Variants in PCDHA4 observed in about 807,000 individuals in gnomAD.
The protein encoded by PCDHA4 is protocadherin alpha-4.
A neutral mutation model predicts 61.4 loss-of-function variants in PCDHA4; 49 were observed. The observed-to-expected ratio is 0.80, with a 90% confidence interval of 0.63 to 1.01. The LOEUF (loss-of-function observed/expected upper bound fraction) is 1.01. Among genes scored for constraint, PCDHA4 ranks in the 50% least tolerant of loss-of-function variants. The probability of loss-of-function intolerance (pLI) is 0.00; values close to 1 mark genes in which losing one functional copy is unlikely to be tolerated. For synonymous variants in PCDHA4, 590 were observed against 550.3 expected, an observed-to-expected ratio of 1.07 and a Z score of -1.01; for missense variants, 1,254 against 1,235.8, an observed-to-expected ratio of 1.01 and a Z score of -0.22.
Position 140,856,863 on chromosome 5 carries a change from T to C in PCDHA4, c.2385+47291T>C. 4 of 1,595,256 alleles carry C rather than the reference T, an allele frequency of 2.5e-6. 1 individual carries two copies. Among genetic ancestry groups the C allele is most frequent in the Non-Finnish European group, 3.4e-6 (4 of 1,165,176 alleles). ...AACGCTTCTGATTCGGATGAAGGAA[T>C]AAACAAGGAAATGATGTATTCATTT... On this transcript the variant is annotated intron_variant, in intron 1 of 3. Transcript: ENST00000530339.
chr5:140,858,425 C>T lies in PCDHA4; in HGVS notation c.2385+48853C>T, dbSNP rs373682195. 1.3e-5 allele frequency: 20 copies of T among 1,552,580 alleles called. 2 individuals are homozygous for T. The highest frequency in any genetic ancestry group is 1.8e-5 in the Non-Finnish European group (20 of 1,140,698). On this transcript the variant is annotated intron_variant, in intron 1 of 3. Transcript: ENST00000530339. ...GGAAGATCAGTCTATTGGAGGGGAC[C>T]ACTCTAGGAAGGTGGGTTATTACGT...
At chr5:140,863,497 C>A in intron 1 of PCDHA4, 1 of 434,948 alleles carries the variant, frequency 2.3e-6, no homozygotes, top group South Asian at 1.8e-5. Context: ...AACATTACGG[C>A]TTTTAGTCCT....
intron 1 of PCDHA4, among the ~76,000 whole-genome samples, chr5:140,838,385 A>G (rs1344951461): frequency 2.0e-5 from 3 of 151,298 alleles, no homozygotes; most frequent in Admixed American, 6.6e-5. Flanking sequence ...CAGCCTCCCA[A>G]TGTGCTGGGA....
rs2150519763 is a variant in PCDHA4 at position 140,852,589 on chromosome 5, T to A, written c.2385+43017T>A. The A allele has an allele frequency of 2.2e-3, 1,950 of 884,634 alleles. 113 individuals are homozygous for A. Among genetic ancestry groups the A allele is most frequent in the South Asian group, 8.1e-3 (160 of 19,680 alleles). 54.8% of individuals were successfully genotyped at this position (884,634 alleles called of 1,614,324 possible). A position where few individuals can be genotyped will look rare whatever the true frequency, so the allele number is the denominator to read the frequency against. On this transcript the variant is annotated intron_variant, in intron 1 of 3. Coordinates refer to ENST00000530339, the MANE Select transcript of PCDHA4 (RefSeq NM_018907.4). Reference sequence around the variant, plus strand: ...CTGTGCCAAGGCTTTTTTATTTTTTTTTTTTGTCATTTTCTTTCAAAACTT... The same window carrying A: ...CTGTGCCAAGGCTTTTTTATTTTTTATTTTTGTCATTTTCTTTCAAAACTT...
chr5:140,880,689 T>C lies in PCDHA4; in HGVS notation c.2385+71117T>C, dbSNP rs957358698. 1.2e-4 allele frequency among the ~76,000 whole-genome samples: 18 copies of C among 152,326 alleles called. No homozygotes were observed. In the South Asian group the frequency reaches 3.7e-3, roughly 32 times the overall value. Reference sequence around the variant, plus strand: ...AGAGTAAATTTGAAGAGAATAGTCATGGTTAAGTGACAATGTTGAGCAGCT... The same window carrying C: ...AGAGTAAATTTGAAGAGAATAGTCACGGTTAAGTGACAATGTTGAGCAGCT... On this transcript the variant is annotated intron_variant, in intron 1 of 3. Transcript: ENST00000530339.
At chr5:140,923,434 G>A (rs1461886077) in intron 1 of PCDHA4, among the ~76,000 whole-genome samples, 1 of 152,088 alleles carries the variant, frequency 6.6e-6, no homozygotes, top group Non-Finnish European at 1.5e-5. Context: ...AGGCTGGGGT[G>A]GGAGGATCAC....
intron 3 of PCDHA4, among the ~76,000 whole-genome samples, chr5:140,982,814 A>G (rs1166333981): frequency 6.6e-6 from 1 of 151,580 alleles, no homozygotes; most frequent in Non-Finnish European, 1.5e-5. Context: ...TGTGTGTATG[A>G]AGTTTTTGGG....
At chr5:140,877,881 G>T (rs782565949) in intron 1 of PCDHA4, 73 of 1,468,602 alleles carry the variant, frequency 5.0e-5, no homozygotes, top group Non-Finnish European at 5.9e-5. Flanking sequence ...TTTCCTTGAA[G>T]AACTTCCGTT....
In PCDHA4 at chr5:141,010,195, C is replaced by G. The variant is rs753472247; in HGVS notation, c.*258C>G. 6.4e-7 allele frequency: 1 copy of G among 1,552,256 alleles called. No homozygotes were observed. The highest frequency in any genetic ancestry group is 8.7e-7 in the Non-Finnish European group (1 of 1,147,132). Reference sequence around the variant, plus strand: ...TAAAAAGCAGACCCAAGTTTCCTTTCTCCTCCGCCGCAAAGGAGAGGCTTC... The same window carrying G: ...TAAAAAGCAGACCCAAGTTTCCTTTGTCCTCCGCCGCAAAGGAGAGGCTTC... On this transcript the variant is annotated 3_prime_UTR_variant, in exon 4 of 4. Coordinates refer to ENST00000530339, the MANE Select transcript of PCDHA4 (RefSeq NM_018907.4).
At chr5:140,928,282 C>G in intron 1 of PCDHA4, 1 of 1,614,166 alleles carries the variant, frequency 6.2e-7, no homozygotes, top group Non-Finnish European at 8.5e-7. Flanking sequence ...TGGGGCCTCT[C>G]TAGGCCGAGT....
At chr5:141,005,032 T>A (rs1031521338) in intron 3 of PCDHA4, among the ~76,000 whole-genome samples, 2 of 152,228 alleles carry the variant, frequency 1.3e-5, no homozygotes, top group Non-Finnish European at 2.9e-5. Context: ...TAATTGCCCA[T>A]ATGTGATACC....
At chr5:140,878,274 C>A (rs1273765492) in intron 1 of PCDHA4, among the ~76,000 whole-genome samples, 2 of 152,092 alleles carry the variant, frequency 1.3e-5, no homozygotes, top group Non-Finnish European at 2.9e-5. Context: ...TTTAAAATAG[C>A]CTTCTTGATC....
Position 140,939,297 on chromosome 5 carries a change from T to C in PCDHA4, c.2386-39652T>C, listed in dbSNP as rs116782192. Among the ~76,000 whole-genome samples the C allele has an allele frequency of 5.4e-3, 827 of 152,242 alleles. 3 individuals are homozygous for C. The highest frequency in any genetic ancestry group is 0.019 in the African/African-American group (796 of 41,542). ...TGTGCCCTCGTGATCTAATCATCTC[T>C]ACAAAAGCCCTACCTCCTAATATCA... On this transcript the variant is annotated intron_variant, in intron 1 of 3. Coordinates refer to ENST00000530339, the MANE Select transcript of PCDHA4 (RefSeq NM_018907.4).
intron 3 of PCDHA4, among the ~76,000 whole-genome samples, chr5:140,990,875 G>A: frequency 6.6e-6 from 1 of 152,198 alleles, no homozygotes; most frequent in East Asian, 1.9e-4. Flanking sequence ...TTAAGTGTAT[G>A]TTCCAGTGAG....
rs782772973 is a variant in PCDHA4, at chr5:140,855,915, T to C, written c.2385+46343T>C. 2.5e-5 allele frequency: 30 copies of C among 1,191,312 alleles called. 2 individuals are homozygous for C. Among genetic ancestry groups the C allele is most frequent in the Non-Finnish European group, 3.1e-5 (26 of 850,126 alleles). 73.8% of individuals were successfully genotyped at this position (1,191,312 alleles called of 1,614,324 possible). A position where few individuals can be genotyped will look rare whatever the true frequency, so the allele number is the denominator to read the frequency against. On this transcript the variant is annotated intron_variant, in intron 1 of 3. Coordinates refer to ENST00000530339, the MANE Select transcript of PCDHA4 (RefSeq NM_018907.4). The stretch of plus-strand genomic sequence containing the variant: ...AGGCATCAGCCAGTTTCTCAAGGAC[T>C]AGGAAGTAGCGTCATTCTGAGATCT...
At chr5:140,933,721 C>T (rs957167505) in intron 1 of PCDHA4, among the ~76,000 whole-genome samples, 1 of 151,982 alleles carries the variant, frequency 6.6e-6, no homozygotes, top group African/African-American at 2.4e-5. Flanking sequence ...ATTGGTGATA[C>T]AGCTTTCTTA....
rs1021823272 is a variant in PCDHA4, at chr5:140,866,632, C to T, written c.2385+57060C>T. ...GGAGAACCTCCTGGGGTTCTGACAA[C>T]GGTGTCAAAATTTATTTATGTGTTT... On this transcript the variant is annotated intron_variant, in intron 1 of 3. Coordinates refer to ENST00000530339, the MANE Select transcript of PCDHA4 (RefSeq NM_018907.4). 22 of 152,178 alleles carry T rather than the reference C, an allele frequency of 1.4e-4. No homozygotes were observed. In the South Asian group the frequency reaches 2.9e-3, roughly 20 times the overall value. The allele number at this position is 152,178 out of a possible 1,614,324, so 9.4% of individuals were successfully genotyped here.
chr5:140,875,355 T>C (rs909094206), intron 1 of PCDHA4: 8 of 1,446,356 alleles, frequency 5.5e-6, no homozygotes, highest in Non-Finnish European at 7.3e-6. Flanking sequence ...ATGACTGTGA[T>C]GCTGGAAAAA....
chr5:140,895,772 C>T (rs1554186642), intron 1 of PCDHA4, among the ~76,000 whole-genome samples: 1 of 152,072 alleles, frequency 6.6e-6, no homozygotes, highest in Non-Finnish European at 1.5e-5. Flanking sequence ...TTTATGGCTG[C>T]ATAGTATTCA....
Sources: gnomAD v4.1 joint callset for allele counts (sites outside exome capture counted in the v4.1 genomes callset) on GRCh38, gnomAD v4.1.1 for gene constraint, MANE v1.5 for transcripts, NCBI Gene and HGNC (gene_info 2026-07-23, HGNC 2026-07-21) for gene names.